CORIN: variants seen among roughly 807,000 people sequenced by gnomAD.
The protein encoded by CORIN is atrial natriuretic peptide-converting enzyme.
CORIN carries 117 observed loss-of-function variants against 125.3 expected under a neutral mutation model. The ratio of observed to expected loss-of-function variants is 0.93; its 90% CI spans 0.80 to 1.09. The LOEUF is 1.09. Ranked by LOEUF, CORIN falls within the 50% of genes least tolerant of loss-of-function variation. The pLI, the probability that CORIN is intolerant of heterozygous loss-of-function variation, is 0.00. For missense variants in CORIN, 1,253 were observed against 1,306.7 expected (o/e 0.96, Z 0.63); for synonymous variants, 450 against 466.4 (o/e 0.96, Z 0.45).
intron 3 of CORIN, among the ~76,000 whole-genome samples, chr4:47,779,516 A>C (rs888765340): frequency 6.7e-6 from 1 of 149,742 alleles, no homozygotes; most frequent in Non-Finnish European, 1.5e-5. Flanking sequence ...GGCTCACTGC[A>C]ACCTCCGCCC....
chr4:47,734,456 A>G (rs1431791959), intron 5 of CORIN, among the ~76,000 whole-genome samples: 3 of 152,170 alleles, frequency 2.0e-5, no homozygotes, highest in Non-Finnish European at 4.4e-5. Context: ...TCTCTTTTAA[A>G]ATATTCAGGA....
chr4:47,646,208 C>A (rs1193884442), intron 13 of CORIN, among the ~76,000 whole-genome samples: 1 of 152,100 alleles, frequency 6.6e-6, no homozygotes, highest in Non-Finnish European at 1.5e-5. Flanking sequence ...AGCAAATATG[C>A]CAAAGTCTAG....
chr4:47,642,967 G>A (rs1723296332), intron 15 of CORIN, 179 bp downstream of exon 15: 1 of 1,536,338 alleles, frequency 6.5e-7, no homozygotes. Context: ...TAGCTTCGTG[G>A]GGAAATTTTC....
At chr4:47,682,623 C>G (rs1189252745) in intron 7 of CORIN, 1 of 151,908 alleles carries the variant, frequency 6.6e-6, no homozygotes, top group Admixed American at 6.6e-5. Flanking sequence ...GTTCCTAATA[C>G]AAAGAAATGA....
intron 1 of CORIN, among the ~76,000 whole-genome samples, chr4:47,809,323 C>T (rs1419757735): frequency 6.8e-6 from 1 of 148,120 alleles, no homozygotes; most frequent in African/African-American, 2.5e-5. Flanking sequence ...AAGTAGATAT[C>T]AAGTACTGGA....
chr4:47,699,731 G>C (rs1322720646), intron 5 of CORIN, among the ~76,000 whole-genome samples: 1 of 152,186 alleles, frequency 6.6e-6, no homozygotes, highest in African/African-American at 2.4e-5. Context: ...ATTGCTAGGA[G>C]AATAAACTAC....
intron 13 of CORIN, among the ~76,000 whole-genome samples, chr4:47,647,983 A>G: frequency 6.6e-6 from 1 of 152,134 alleles, no homozygotes; most frequent in Non-Finnish European, 1.5e-5. Flanking sequence ...TCACCTCTCC[A>G]TGTCTTCTCT....
chr4:47,603,738 T>G, intron 19 of CORIN, 70 bp from the exon 20 acceptor site: 2 of 1,505,814 alleles, frequency 1.3e-6, no homozygotes, highest in Admixed American at 3.9e-5. Context: ...ACATGTAATT[T>G]TAAAACATTT....
At chr4:47,767,663 AAGATATAT>A (rs1444733785) in intron 3 of CORIN, among the ~76,000 whole-genome samples, 1 of 152,202 alleles carries the variant, frequency 6.6e-6, no homozygotes, top group Non-Finnish European at 1.5e-5. Context: ...CCTATGAGCC[AAGATATAT>A]AGATTTAAAT....
At chr4:47,772,219 T>A (rs1239647275) in intron 3 of CORIN, among the ~76,000 whole-genome samples, 3 of 152,242 alleles carry the variant, frequency 2.0e-5, no homozygotes, top group African/African-American at 7.2e-5. Flanking sequence ...TGCAATTCAT[T>A]CATTCAAGAA....
chr4:47,660,068 C>T (rs1724175241), intron 12 of CORIN, among the ~76,000 whole-genome samples: 1 of 152,170 alleles, frequency 6.6e-6, no homozygotes, highest in Non-Finnish European at 1.5e-5. Context: ...GCAAAGGTTT[C>T]AAGAACACAC....
intron 12 of CORIN, among the ~76,000 whole-genome samples, chr4:47,658,915 T>C (rs1388728503): frequency 6.6e-6 from 1 of 152,270 alleles, no homozygotes; most frequent in East Asian, 1.9e-4. Context: ...GTTATTTCTT[T>C]GCTCCTGTAT....
chr4:47,696,379 G>A lies in CORIN; in HGVS notation c.800-3296C>T, dbSNP rs574590011. 4.6e-5 allele frequency among the ~76,000 whole-genome samples: 7 copies of A among 152,096 alleles called. No homozygotes were observed. In the South Asian group the frequency reaches 8.3e-4, roughly 18 times the overall value. ...TGGCAGATTGATAACTGGAACATTC[G>A]TTCATTCATTGAATATATATTTACT... On this transcript the variant is annotated intron_variant, in intron 5 of 21. Coordinates refer to ENST00000273857, the MANE Select transcript of CORIN (RefSeq NM_006587.4).
intron 11 of CORIN, among the ~76,000 whole-genome samples, chr4:47,664,397 C>G (rs185404135): frequency 6.6e-6 from 1 of 152,188 alleles, no homozygotes; most frequent in East Asian, 1.9e-4. Flanking sequence ...GTAAAGGAAC[C>G]GAGGCTGAGA....
intron 10 of CORIN, among the ~76,000 whole-genome samples, chr4:47,670,304 T>C (rs1215041232): frequency 4.6e-5 from 7 of 152,230 alleles, no homozygotes; most frequent in Non-Finnish European, 8.8e-5. Context: ...AATGGTAATA[T>C]TGTATTCAAT....
chr4:47,804,911 T>C (rs982937152), intron 2 of CORIN, among the ~76,000 whole-genome samples: 1 of 151,498 alleles, frequency 6.6e-6, no homozygotes, highest in East Asian at 1.9e-4. Flanking sequence ...CCGAGACGGG[T>C]GGATCACGCG....
intron 2 of CORIN, among the ~76,000 whole-genome samples, chr4:47,804,754 G>A (rs1307304150): frequency 4.0e-5 from 6 of 150,338 alleles, no homozygotes; most frequent in African/African-American, 1.5e-4. Flanking sequence ...GGTTGTTAAT[G>A]GGTACAAAAA....
intron 6 of CORIN, among the ~76,000 whole-genome samples, chr4:47,689,454 A>G (rs1725669395): frequency 6.6e-6 from 1 of 152,172 alleles, no homozygotes; most frequent in Non-Finnish European, 1.5e-5. Flanking sequence ...ACTACACCGT[A>G]TTACACTCGG....
At chr4:47,602,994 C>T (rs1721502786) in intron 20 of CORIN, among the ~76,000 whole-genome samples, 1 of 152,028 alleles carries the variant, frequency 6.6e-6, no homozygotes, top group Non-Finnish European at 1.5e-5. Context: ...AACTGAGGAA[C>T]ACAATGTTTC....
Sources: allele counts gnomAD v4.1 joint callset (sites outside exome capture counted in the v4.1 genomes callset), GRCh38; gene constraint gnomAD v4.1.1; transcripts MANE v1.5; gene names NCBI Gene and HGNC (gene_info 2026-07-23, HGNC 2026-07-21).